Variants in FGF9 observed in about 807,000 individuals in gnomAD.
The protein encoded by FGF9 is fibroblast growth factor 9, also known as fibroblast growth factor 9 (glia-activating factor).
Under a neutral mutation model 19.9 loss-of-function variants are expected in FGF9, and 3 were observed. The ratio of observed to expected loss-of-function variants is 0.15; its 90% confidence interval spans 0.07 to 0.39. The LOEUF (loss-of-function observed/expected upper bound fraction) is 0.39. FGF9 is among the 10% of genes least tolerant of loss of function. The pLI is 1.00. For synonymous variants in FGF9, 107 were observed against 106.9 expected, an observed-to-expected ratio of 1.00 and a Z score of -0.01; for missense variants, 175 against 256.8, an observed-to-expected ratio of 0.68 and a Z score of 2.18.
chr13:21,697,157 T>C (rs1367190697), intron 2 of FGF9, among the ~76,000 whole-genome samples: 1 of 152,182 alleles, frequency 6.6e-6, no homozygotes, highest in Non-Finnish European at 1.5e-5. Context: ...GTTTTTCTTT[T>C]GTTTGTTTTT....
chr13:21,696,925 C>G (rs1015860802), intron 2 of FGF9, among the ~76,000 whole-genome samples: 29 of 152,162 alleles, frequency 1.9e-4, no homozygotes, highest in African/African-American at 6.8e-4. Flanking sequence ...GTAACACAGT[C>G]TTTATAACTT....
intron 2 of FGF9, among the ~76,000 whole-genome samples, chr13:21,697,802 A>G (rs1872443559): frequency 6.7e-6 from 1 of 150,332 alleles, no homozygotes; most frequent in African/African-American, 2.5e-5. Flanking sequence ...ATAGACACAT[A>G]GGACTCTTTT....
intron 2 of FGF9, among the ~76,000 whole-genome samples, chr13:21,690,046 C>G (rs1046444870): frequency 1.3e-5 from 2 of 152,196 alleles, no homozygotes; most frequent in Non-Finnish European, 2.9e-5. Flanking sequence ...TGGTCAGTTC[C>G]TGAATTGCAG....
chr13:21,679,917 A>T (rs2138133004), intron 1 of FGF9, among the ~76,000 whole-genome samples: 1 of 149,642 alleles, frequency 6.7e-6, no homozygotes, highest in South Asian at 2.1e-4. Flanking sequence ...AGATCGCACC[A>T]CTACACTCCA....
At chr13:21,693,875 C>T (rs1244607268) in intron 2 of FGF9, among the ~76,000 whole-genome samples, 1 of 152,172 alleles carries the variant, frequency 6.6e-6, no homozygotes, top group East Asian at 1.9e-4. Context: ...TGAACGCAGT[C>T]TGTGTTTTCC....
intron 2 of FGF9, among the ~76,000 whole-genome samples, chr13:21,696,049 T>TC (rs1593099301): frequency 6.6e-6 from 1 of 152,250 alleles, no homozygotes; most frequent in East Asian, 1.9e-4. Flanking sequence ...AACTCTGGCT[T>TC]CATTTTTTAA....
intron 2 of FGF9, among the ~76,000 whole-genome samples, chr13:21,684,481 T>C (rs1345067973): frequency 2.0e-5 from 3 of 152,206 alleles, no homozygotes; most frequent in Non-Finnish European, 4.4e-5. Flanking sequence ...ATCTCGCTTG[T>C]ATGGCTGCTG....
intron 2 of FGF9, among the ~76,000 whole-genome samples, chr13:21,685,723 G>A (rs1872141492): frequency 6.6e-6 from 1 of 152,200 alleles, no homozygotes; most frequent in Admixed American, 6.5e-5. Flanking sequence ...ATTTCCCATA[G>A]TAGAGGAATG....
At chr13:21,692,493 G>A (rs1271998463) in intron 2 of FGF9, among the ~76,000 whole-genome samples, 1 of 152,170 alleles carries the variant, frequency 6.6e-6, no homozygotes, top group African/African-American at 2.4e-5. Context: ...CACAGGCCCC[G>A]GGATCGCCAC....
In FGF9 at chr13:21,689,886, G is replaced by A. The variant is rs146657556; in HGVS notation, c.381+8741G>A. On this transcript the variant is annotated intron_variant, in intron 2 of 2. Coordinates refer to ENST00000382353, the MANE Select transcript of FGF9 (RefSeq NM_002010.3). ...GGGACAACAGAGGCCCAAGCCCAGCGTCTCCAAGCTCTTCCTGCTTCTTCC... is the reference window on the plus strand; with the variant it reads ...GGGACAACAGAGGCCCAAGCCCAGCATCTCCAAGCTCTTCCTGCTTCTTCC... Among the ~76,000 whole-genome samples, 6 of 152,304 alleles carry A rather than the reference G, an allele frequency of 3.9e-5. No individual in the cohort carries two copies. In the South Asian group the frequency reaches 8.3e-4, roughly 21 times the overall value.
intron 1 of FGF9, among the ~76,000 whole-genome samples, chr13:21,674,494 G>A (rs968564289): frequency 6.6e-6 from 1 of 151,828 alleles, no homozygotes; most frequent in Non-Finnish European, 1.5e-5. Flanking sequence ...CTTCACAACC[G>A]GGGGAGCCCG....
chr13:21,677,650 C>T (rs1871947890), intron 1 of FGF9, among the ~76,000 whole-genome samples: 1 of 152,172 alleles, frequency 6.6e-6, no homozygotes, highest in Non-Finnish European at 1.5e-5. Context: ...ATCTTCCTGA[C>T]CTTACAACAG....
chr13:21,671,323 T>G lies in FGF9; in HGVS notation c.-590T>G. On this transcript the variant is annotated 5_prime_UTR_variant, in exon 1 of 3. Transcript: ENST00000382353. ...TCTTTTTGTTTTATTATTATTATCA[T>G]TTTTTGGAGGGGGGACCGGGAGGGG... 2.6e-6 allele frequency: 1 copy of G among 381,608 alleles called. No individual in the cohort carries two copies. Among genetic ancestry groups the G allele is most frequent in the Non-Finnish European group, 4.6e-6 (1 of 216,528 alleles). The allele number at this position is 381,608 out of a possible 1,614,324, so 23.6% of individuals were successfully genotyped here. A position where few individuals can be genotyped will look rare whatever the true frequency, so the allele number is the denominator to read the frequency against.
intron 2 of FGF9, among the ~76,000 whole-genome samples, chr13:21,682,787 G>A (rs750325620): frequency 4.0e-5 from 6 of 149,714 alleles, no homozygotes; most frequent in Non-Finnish European, 5.9e-5. Flanking sequence ...GTGTGTAGAA[G>A]AGAAGTTCTG....
At chr13:21,680,921 G>C in intron 1 of FGF9, 121 bp from the exon 2 acceptor site, 1 of 717,358 alleles carries the variant, frequency 1.4e-6, no homozygotes, top group Non-Finnish European at 2.6e-6. Context: ...TTTAACTAGC[G>C]TGGGGTTATC....
intron 2 of FGF9, among the ~76,000 whole-genome samples, chr13:21,689,921 C>T (rs573500017): frequency 6.6e-6 from 1 of 152,322 alleles, no homozygotes; most frequent in African/African-American, 2.4e-5. Flanking sequence ...CACCTCCTGG[C>T]CTCCTAAATC....
rs940112568 is a variant in FGF9, at chr13:21,703,101, A to C, written c.*1666A>C. On this transcript the variant is annotated 3_prime_UTR_variant, in exon 3 of 3. Coordinates refer to ENST00000382353, the MANE Select transcript of FGF9 (RefSeq NM_002010.3). ...CCAAATTCTTAAAGCAATATTTAAG[A>C]AAAAAGGAATTTATAACAAATTCTC... 6.6e-6 allele frequency: 1 copy of C among 152,268 alleles called. No individual in the cohort carries two copies. 9.4% of individuals were successfully genotyped at this position (152,268 alleles called of 1,614,324 possible).
intron 2 of FGF9, among the ~76,000 whole-genome samples, chr13:21,697,416 G>T (rs1872433653): frequency 6.6e-6 from 1 of 152,104 alleles, no homozygotes; most frequent in African/African-American, 2.4e-5. Flanking sequence ...CAAAGTGCTG[G>T]GGTTACAGGC....
At position 21,703,278 on chromosome 13, in the gene FGF9, C is replaced by T. The variant is rs556347601; in HGVS notation, c.*1843C>T. 1 of 152,268 alleles carries T rather than the reference C, an allele frequency of 6.6e-6. No homozygotes were observed. Among genetic ancestry groups the T allele is most frequent in the Admixed American group, 6.5e-5 (1 of 15,284 alleles). The allele number at this position is 152,268 out of a possible 1,614,324, so 9.4% of individuals were successfully genotyped here. A position where few individuals can be genotyped will look rare whatever the true frequency, so the allele number is the denominator to read the frequency against. On this transcript the variant is annotated 3_prime_UTR_variant, in exon 3 of 3. Coordinates refer to ENST00000382353, the MANE Select transcript of FGF9 (RefSeq NM_002010.3). Reference sequence around the variant, plus strand: ...TTCTCTATGAAAAATAAAAGTGTGTCACTGGTGAGTGACAGCTGTTATGAG... The same window carrying T: ...TTCTCTATGAAAAATAAAAGTGTGTTACTGGTGAGTGACAGCTGTTATGAG...
Sources: gnomAD v4.1 joint callset for allele counts (sites outside exome capture counted in the v4.1 genomes callset) on GRCh38, gnomAD v4.1.1 for gene constraint, MANE v1.5 for transcripts, NCBI Gene and HGNC (gene_info 2026-07-23, HGNC 2026-07-21) for gene names.